WSCD2: variants seen among roughly 807,000 people sequenced by gnomAD.
WSCD2 encodes the protein sialate:O-sulfotransferase 2.
WSCD2 carries 28 observed loss-of-function variants against 55.7 expected under a neutral mutation model. The ratio of observed to expected loss-of-function variants is 0.50; its 90% confidence interval spans 0.37 to 0.69. WSCD2 has a LOEUF of 0.69. Among genes scored for constraint, WSCD2 ranks in the 30% least tolerant of loss-of-function variants. WSCD2 has a pLI of 0.00. For missense variants in WSCD2, 616 were observed against 762.1 expected, an observed-to-expected ratio of 0.81 and a Z score of 2.26; for synonymous variants, 301 against 301.9, an observed-to-expected ratio of 1.00 and a Z score of 0.03.
At position 108,129,844 on chromosome 12, in the gene WSCD2, C is replaced by A. The variant is rs542109056; in HGVS notation, c.-634C>A. ...GCGCCCACAGAGCGGGCGCGCCAAG[C>A]GGGACGCGGGAGTCGCAGAGAGGGA... On this transcript the variant is annotated 5_prime_UTR_variant, in exon 1 of 9. Transcript: ENST00000547525. 49 of 152,346 alleles carry A rather than the reference C, an allele frequency of 3.2e-4. 1 individual carries two copies. The highest frequency in any genetic ancestry group is 1.0e-3 in the African/African-American group (42 of 41,574). 9.4% of individuals were successfully genotyped at this position (152,346 alleles called of 1,614,324 possible).
chr12:108,172,317 C>T (rs1167403127), intron 1 of WSCD2, among the ~76,000 whole-genome samples: 2 of 152,162 alleles, frequency 1.3e-5, no homozygotes, highest in South Asian at 2.1e-4. Flanking sequence ...CTACTTTTAG[C>T]CCTATTTAAA....
At position 108,210,268 on chromosome 12, in the gene WSCD2, C is replaced by G. The variant is rs772606438; in HGVS notation, c.645C>G (p.Val215=). ...SVCGGANRLS[V]YRLQLAQESA... ...GCGGCGGCGCCAACCGCCTCTCTGT[C>G]TACCGGCTGCAGCTGGCCCAGGAGT... Residue 215 remains valine, a synonymous_variant, in exon 4 of 9, where the codon GTC becomes GTG. Coordinates refer to ENST00000547525, the MANE Select transcript of WSCD2 (RefSeq NM_014653.4). This position sits in a 1 kb window ranked among gnomAD's most constrained non-coding sequence, Gnocchi z 4.3. The G allele has an allele frequency of 6.2e-7, 1 of 1,605,690 alleles. No homozygotes were observed. Among genetic ancestry groups the G allele is most frequent in the African/African-American group, 1.3e-5 (1 of 74,882 alleles).
intron 2 of WSCD2, among the ~76,000 whole-genome samples, chr12:108,200,894 C>T (rs568482183): frequency 1.2e-4 from 19 of 152,204 alleles, no homozygotes; most frequent in African/African-American, 4.1e-4. Flanking sequence ...GAAATTCCAT[C>T]GCCGGTACAA....
chr12:108,151,064 C>T (rs1465605599), intron 1 of WSCD2, among the ~76,000 whole-genome samples: 6 of 151,980 alleles, frequency 3.9e-5, no homozygotes, highest in Non-Finnish European at 5.9e-5. Flanking sequence ...CTCGAGCTTC[C>T]CTCACTGTCC....
chr12:108,143,943 G>A (rs763083813), intron 1 of WSCD2, among the ~76,000 whole-genome samples: 17 of 152,204 alleles, frequency 1.1e-4, no homozygotes, highest in Non-Finnish European at 2.5e-4. Context: ...CAGGCAGGAG[G>A]ACTATGGTGA....
chr12:108,164,158 T>TTTTTTTTTTTTTTTTTTTTTTTTTTG (rs1159854999), intron 1 of WSCD2, among the ~76,000 whole-genome samples: 1 of 144,444 alleles, frequency 6.9e-6, no homozygotes. Flanking sequence ...TTTTTTTTTT[T>TTTTTTTTTTTTTTTTTTTTTTTTTTG]TTTTCAGAGA....
At chr12:108,232,331 A>C (rs1888851084) in intron 6 of WSCD2, among the ~76,000 whole-genome samples, 1 of 152,174 alleles carries the variant, frequency 6.6e-6, no homozygotes, top group Non-Finnish European at 1.5e-5. Context: ...AATAACAAAA[A>C]ATACACGACG....
chr12:108,138,389 G>A (rs185528964), intron 1 of WSCD2, among the ~76,000 whole-genome samples: 7 of 152,314 alleles, frequency 4.6e-5, no homozygotes, highest in Admixed American at 4.6e-4. Context: ...AAGAACTTGG[G>A]CTTTGGGATT....
intron 3 of WSCD2, among the ~76,000 whole-genome samples, chr12:108,208,351 G>A (rs999777471): frequency 1.3e-5 from 2 of 152,236 alleles, no homozygotes; most frequent in Non-Finnish European, 2.9e-5. Context: ...GGAATGCTAT[G>A]AGCCACATTC....
rs116404052 is a variant in WSCD2 at position 108,231,255 on chromosome 12, C to G, written c.980-1476C>G. 1.8e-3 allele frequency among the ~76,000 whole-genome samples: 270 copies of G among 152,256 alleles called. 3 individuals carry two copies. Among genetic ancestry groups the G allele is most frequent in the African/African-American group, 6.3e-3 (263 of 41,540 alleles). On this transcript the variant is annotated intron_variant, in intron 6 of 8. Transcript: ENST00000547525. ...AGGCTGAAGAAGGCAGCACTGAGAC[C>G]TGGGGCCTCCAGGCCTGGATCTGGG...
rs10467034 is a variant in WSCD2 at position 108,171,447 on chromosome 12, T to A, written c.-551-23835T>A. On this transcript the variant is annotated intron_variant, in intron 1 of 8. Coordinates refer to ENST00000547525, the MANE Select transcript of WSCD2 (RefSeq NM_014653.4). ...AATATGGCGAGACTGCAGTAAGGTG[T>A]GCTGGACATGTGAAATACACATCAG... Among the ~76,000 whole-genome samples, 1,334 of 152,322 alleles carry A rather than the reference T, an allele frequency of 8.8e-3. 14 individuals carry two copies. Among genetic ancestry groups the A allele is most frequent in the African/African-American group, 0.029 (1,206 of 41,576 alleles).
intron 2 of WSCD2, among the ~76,000 whole-genome samples, chr12:108,200,563 C>G (rs886541561): frequency 2.0e-5 from 3 of 152,210 alleles, no homozygotes; most frequent in Non-Finnish European, 4.4e-5. Flanking sequence ...GGTGGAGATA[C>G]AGGAATGATT....
At chr12:108,241,285 G>A (rs1262387186) in intron 8 of WSCD2, among the ~76,000 whole-genome samples, 1 of 152,036 alleles carries the variant, frequency 6.6e-6, no homozygotes, top group East Asian at 1.9e-4. Context: ...AGGGCTGTGT[G>A]GATCAACATT....
chr12:108,207,533 C>CTTT lies in WSCD2; in HGVS notation c.497+1154_497+1156dup, dbSNP rs35090663. 2.8e-3 allele frequency among the ~76,000 whole-genome samples: 149 copies of CTTT among 53,634 alleles called. 5 individuals are homozygous for CTTT. The highest frequency in any genetic ancestry group is 0.012 in the African/African-American group (140 of 11,636). 35.2% of individuals were successfully genotyped at this position (53,634 alleles called of 152,430 possible). A position where few individuals can be genotyped will look rare whatever the true frequency, so the allele number is the denominator to read the frequency against. On this transcript the variant is annotated intron_variant, in intron 3 of 8. Coordinates refer to ENST00000547525, the MANE Select transcript of WSCD2 (RefSeq NM_014653.4). ...TACAGGCGCATGCCACCATGCCTGG[C>CTTT]TTTTTTTTTTTTTTTTTTTTTTTTT...
At chr12:108,163,987 G>A (rs1248755806) in intron 1 of WSCD2, among the ~76,000 whole-genome samples, 1 of 152,008 alleles carries the variant, frequency 6.6e-6, no homozygotes, top group African/African-American at 2.4e-5. Context: ...GTGAATAAAT[G>A]AGTGAAACAT....
rs2092071084 is a variant in WSCD2 at position 108,240,352 on chromosome 12, G to A, written c.1153G>A (p.Gly385Ser). ...DGSLYNKGFK[G>S]ERDHWRSGRT... ...CCTCTGGCTGCGGGAAGGGTTTAAA[G>A]GTGAGCGGGACCACTGGCGCAGCGG... Residue 385 changes from glycine to serine, a missense_variant, in exon 8 of 9, where the codon GGT (glycine) becomes AGT (serine). Gly to Ser is a moderately conservative substitution (Grantham distance 56). Coordinates refer to ENST00000547525, the MANE Select transcript of WSCD2 (RefSeq NM_014653.4). 1.2e-6 allele frequency: 2 copies of A among 1,614,064 alleles called. No homozygotes were observed. The highest frequency in any genetic ancestry group is 1.7e-6 in the Non-Finnish European group (2 of 1,180,044).
chr12:108,166,761 T>C (rs1297980870), intron 1 of WSCD2, among the ~76,000 whole-genome samples: 35 of 124,822 alleles, frequency 2.8e-4, no homozygotes, highest in African/African-American at 1.0e-3. Context: ...TCTTTCTTTC[T>C]TTTCTTTCTT....
chr12:108,164,889 G>C (rs542522036), intron 1 of WSCD2, among the ~76,000 whole-genome samples: 17 of 152,326 alleles, frequency 1.1e-4, no homozygotes, highest in African/African-American at 3.8e-4. Context: ...TGATGTAGGA[G>C]AAGGTGGGGA....
chr12:108,158,823 C>G (rs1385167066), intron 1 of WSCD2, among the ~76,000 whole-genome samples: 1 of 152,184 alleles, frequency 6.6e-6, no homozygotes, highest in Non-Finnish European at 1.5e-5. Flanking sequence ...CTGAGCACCT[C>G]CTATGTGCCA....
Sources: allele counts gnomAD v4.1 joint callset (sites outside exome capture counted in the v4.1 genomes callset), GRCh38; gene constraint gnomAD v4.1.1; non-coding constraint Gnocchi (gnomAD v3.1); transcripts MANE v1.5; gene names NCBI Gene and HGNC (gene_info 2026-07-23, HGNC 2026-07-21).